Variants in CNTN4 observed in about 807,000 individuals in gnomAD.
The protein encoded by CNTN4 is contactin 4.
A neutral mutation model predicts 122.5 loss-of-function variants in CNTN4; 77 were observed. The ratio of observed to expected loss-of-function variants is 0.63; its 90% CI spans 0.52 to 0.76. The LOEUF (loss-of-function observed/expected upper bound fraction) is 0.76. Ranked by LOEUF, CNTN4 falls within the 30% of genes least tolerant of loss-of-function variation. The pLI, the probability that CNTN4 is intolerant of heterozygous loss-of-function variation, is 0.00. For missense variants in CNTN4, 1,256 were observed against 1,259.1 expected (o/e 1.00, Z 0.04); for synonymous variants, 512 against 447.0 (o/e 1.15, Z -1.83).
At chr3:2,891,446 CAAATAAAT>C (rs145835304) in intron 10 of CNTN4, among the ~76,000 whole-genome samples, 1 of 151,784 alleles carries the variant, frequency 6.6e-6, no homozygotes, top group Admixed American at 6.6e-5. Context: ...GACTCCATCT[CAAATAAAT>C]AAATAAATAA....
intron 4 of CNTN4, 24 bp downstream of exon 4, chr3:2,571,582 T>G: frequency 6.3e-7 from 1 of 1,584,266 alleles, no homozygotes; most frequent in Non-Finnish European, 8.7e-7. Flanking sequence ...TTAAAACTTT[T>G]TGATTTAGAA....
intron 2 of CNTN4, among the ~76,000 whole-genome samples, chr3:2,176,687 AAG>A (rs2149264998): frequency 6.6e-6 from 1 of 152,276 alleles, no homozygotes; most frequent in South Asian, 2.1e-4. Flanking sequence ...AAACTGGACC[AAG>A]ATTATCACTT....
intron 2 of CNTN4, among the ~76,000 whole-genome samples, chr3:2,201,671 G>T (rs958470318): frequency 3.9e-5 from 6 of 152,156 alleles, no homozygotes; most frequent in Non-Finnish European, 7.4e-5. Flanking sequence ...ACCCAAAAAT[G>T]AAGTGCTAGT....
intron 3 of CNTN4, among the ~76,000 whole-genome samples, chr3:2,442,268 A>G (rs946425598): frequency 6.6e-6 from 1 of 152,126 alleles, no homozygotes; most frequent in East Asian, 1.9e-4. Flanking sequence ...AAGGAATTCA[A>G]GTAATTAGCA....
rs553535398 is a variant in CNTN4, at chr3:2,864,259, G to A, written c.455-2493G>A. Among the ~76,000 whole-genome samples, 5 of 152,120 alleles carry A rather than the reference G, an allele frequency of 3.3e-5. No individual in the cohort carries two copies. In the East Asian group the frequency reaches 5.8e-4, roughly 18 times the overall value. On this transcript the variant is annotated intron_variant, in intron 7 of 24. Transcript: ENST00000418658. Reference sequence around the variant, plus strand: ...GTTTAAATGGCTTCCCTAATATAACGCAGATTTGAACTTTAGTCTTACTTT... The same window carrying A: ...GTTTAAATGGCTTCCCTAATATAACACAGATTTGAACTTTAGTCTTACTTT...
At chr3:2,402,737 C>T (rs143148941) in intron 3 of CNTN4, among the ~76,000 whole-genome samples, 6 of 152,214 alleles carry the variant, frequency 3.9e-5, no homozygotes, top group African/African-American at 1.4e-4. Flanking sequence ...TGTCTTATAT[C>T]TACTAGTTTC....
At chr3:2,455,546 A>T (rs955242333) in intron 3 of CNTN4, among the ~76,000 whole-genome samples, 1 of 152,040 alleles carries the variant, frequency 6.6e-6, no homozygotes, top group African/African-American at 2.4e-5. Flanking sequence ...CTCTTCAGCG[A>T]TCCGTTTTAA....
chr3:2,392,063 G>T (rs533350266), intron 3 of CNTN4, among the ~76,000 whole-genome samples: 53 of 152,256 alleles, frequency 3.5e-4, no homozygotes, highest in Non-Finnish European at 6.0e-4. Context: ...ATTGCACCCT[G>T]CTAAGCAGCG....
chr3:2,109,502 T>C (rs1467229877), intron 2 of CNTN4, among the ~76,000 whole-genome samples: 1 of 152,200 alleles, frequency 6.6e-6, no homozygotes, highest in Non-Finnish European at 1.5e-5. Flanking sequence ...CTTGTATTAA[T>C]ATAAATCTTG....
In CNTN4 at chr3:2,115,783, A is replaced by G. The variant is rs2033308121; in HGVS notation, c.-145+15144A>G. ...TTAAAAGCTTGTGCCTTCTCTGAAT[A>G]ATTCATATTGTCCAGTGCCTTCAGA... is the stretch of plus-strand genomic sequence containing the variant. On this transcript the variant is annotated intron_variant, in intron 2 of 24. Coordinates refer to ENST00000418658, the MANE Select transcript of CNTN4 (RefSeq NM_175607.3). 2.0e-5 allele frequency among the ~76,000 whole-genome samples: 3 copies of G among 152,236 alleles called. No homozygotes were observed. The South Asian group carries it at 6.2e-4, about 31-fold the overall frequency.
chr3:2,676,742 C>T (rs1211091523), intron 4 of CNTN4, among the ~76,000 whole-genome samples: 1 of 152,198 alleles, frequency 6.6e-6, no homozygotes, highest in Non-Finnish European at 1.5e-5. Context: ...GTAAGGAAAA[C>T]TTCCTGATGG....
At chr3:2,799,468 C>CT (rs879326534) in intron 6 of CNTN4, among the ~76,000 whole-genome samples, 2 of 151,874 alleles carry the variant, frequency 1.3e-5, no homozygotes, top group Admixed American at 6.6e-5. Context: ...AGTTTCAGGT[C>CT]TTTTTTTTCT....
At chr3:2,547,981 C>T (rs1329337868) in intron 3 of CNTN4, among the ~76,000 whole-genome samples, 3 of 152,052 alleles carry the variant, frequency 2.0e-5, no homozygotes, top group Admixed American at 2.0e-4. Context: ...ATCCTTTGCC[C>T]ACTTTTTGAT....
chr3:2,915,234 T>A (rs1030976253), intron 12 of CNTN4, among the ~76,000 whole-genome samples: 1 of 152,140 alleles, frequency 6.6e-6, no homozygotes, highest in Non-Finnish European at 1.5e-5. Context: ...GCTGGCTAAT[T>A]TTTGTATTTT....
intron 4 of CNTN4, among the ~76,000 whole-genome samples, chr3:2,623,371 A>T (rs1176677106): frequency 6.6e-6 from 1 of 151,616 alleles, no homozygotes; most frequent in Non-Finnish European, 1.5e-5. Context: ...AGTTTTATGG[A>T]TCACCGCACA....
Position 2,676,300 on chromosome 3 carries a change from C to T in CNTN4, c.56-59915C>T, listed in dbSNP as rs545263873. Among the ~76,000 whole-genome samples, 136 of 152,052 alleles carry T rather than the reference C, an allele frequency of 8.9e-4. 1 individual carries two copies. Among genetic ancestry groups the T allele is most frequent in the African/African-American group, 3.0e-3 (125 of 41,460 alleles). On this transcript the variant is annotated intron_variant, in intron 4 of 24. Transcript: ENST00000418658. ...GCAGTGGCATGCCTTTGGGTCACTG[C>T]GACCTCCGCCTCCTGGGTTCAAGCA...
intron 3 of CNTN4, among the ~76,000 whole-genome samples, chr3:2,512,328 A>G (rs932568827): frequency 6.6e-6 from 1 of 152,126 alleles, no homozygotes; most frequent in Non-Finnish European, 1.5e-5. Flanking sequence ...TTGCTTTTGA[A>G]TGCACCACTT....
In CNTN4 at chr3:2,942,515, G is replaced by A. The variant is rs1036475000; in HGVS notation, c.1358+16736G>A. On this transcript the variant is annotated intron_variant, in intron 13 of 24. Coordinates refer to ENST00000418658, the MANE Select transcript of CNTN4 (RefSeq NM_175607.3). ...GCAGTTGATATAAGATTTCATAGAT[G>A]TGCCTTATAATTTTCATACATTTGG... 4.6e-5 allele frequency among the ~76,000 whole-genome samples: 7 copies of A among 152,284 alleles called. No homozygotes were observed. In the South Asian group the frequency reaches 1.4e-3, roughly 32 times the overall value.
chr3:2,394,626 G>A (rs1019873379), intron 3 of CNTN4, among the ~76,000 whole-genome samples: 7 of 152,180 alleles, frequency 4.6e-5, no homozygotes, highest in African/African-American at 1.7e-4. Flanking sequence ...ATAAGTCAGG[G>A]TATAAATTGG....
Sources: allele counts gnomAD v4.1 joint callset (sites outside exome capture counted in the v4.1 genomes callset), GRCh38; gene constraint gnomAD v4.1.1; transcripts MANE v1.5; gene names NCBI Gene and HGNC (gene_info 2026-07-23, HGNC 2026-07-21).